The following C8orf34 variants were observed in gnomAD, a reference collection of about 807,000 sequenced individuals.
The protein encoded by C8orf34 is chromosome 8 open reading frame 34, also known as uncharacterized protein C8orf34.
Under a neutral mutation model 68.3 loss-of-function variants are expected in C8orf34, and 65 were observed. The observed-to-expected ratio is 0.95, with a 90% CI of 0.78 to 1.17. The LOEUF is 1.17. Among genes scored for constraint, C8orf34 ranks in the 50% most tolerant of loss-of-function variants. The pLI is 0.00. For missense variants in C8orf34, 664 were observed against 655.4 expected (o/e 1.01, Z -0.14); for synonymous variants, 244 against 241.2 (o/e 1.01, Z -0.11).
chr8:68,489,603 T>C (rs1813224681), intron 5 of C8orf34, among the ~76,000 whole-genome samples: 1 of 152,226 alleles, frequency 6.6e-6, no homozygotes. Context: ...GGATTTTGAC[T>C]GCGACTCATC....
intron 11 of C8orf34, among the ~76,000 whole-genome samples, chr8:68,779,358 G>A (rs534473860): frequency 1.1e-4 from 16 of 152,126 alleles, no homozygotes; most frequent in African/African-American, 1.9e-4. Flanking sequence ...TTGAGAAGCC[G>A]TAAAGAACTA....
chr8:68,355,335 C>T (rs1171972360), intron 1 of C8orf34, among the ~76,000 whole-genome samples: 1 of 152,132 alleles, frequency 6.6e-6, no homozygotes, highest in Non-Finnish European at 1.5e-5. Flanking sequence ...GGGAATGACT[C>T]AGGTTTGGCA....
chr8:68,816,698 C>A (rs1824829516), intron 13 of C8orf34, among the ~76,000 whole-genome samples: 1 of 152,070 alleles, frequency 6.6e-6, no homozygotes, highest in African/African-American at 2.4e-5. Flanking sequence ...AATAATTCTG[C>A]ATTAGGACAT....
intron 12 of C8orf34, among the ~76,000 whole-genome samples, chr8:68,814,789 A>G (rs1824759293): frequency 6.6e-6 from 1 of 152,342 alleles, no homozygotes; most frequent in East Asian, 1.9e-4. Context: ...AACCAAATCA[A>G]TAAGCCATTT....
At chr8:68,352,595 T>C (rs1806557658) in intron 1 of C8orf34, among the ~76,000 whole-genome samples, 3 of 152,236 alleles carry the variant, frequency 2.0e-5, no homozygotes, top group Admixed American at 6.6e-5. Flanking sequence ...TGCACTCCTT[T>C]ACGCACATGA....
intron 13 of C8orf34, among the ~76,000 whole-genome samples, chr8:68,817,732 G>GGGTAA (rs1387521178): frequency 1.6e-4 from 25 of 152,144 alleles, no homozygotes; most frequent in Non-Finnish European, 3.7e-4. Flanking sequence ...AAGAAAAGAG[G>GGGTAA]TTTAAGTGCC....
intron 9 of C8orf34, among the ~76,000 whole-genome samples, chr8:68,711,362 G>C (rs1399928979): frequency 1.3e-5 from 2 of 152,064 alleles, no homozygotes; most frequent in Non-Finnish European, 2.9e-5. Context: ...TGAATATTAA[G>C]CTAATTAAGC....
In C8orf34 at chr8:68,818,260, A is replaced by G; in HGVS notation, c.*14A>G. 3 of 1,612,170 alleles carry G rather than the reference A, an allele frequency of 1.9e-6. No individual in the cohort carries two copies. The highest frequency in any genetic ancestry group is 2.5e-6 in the Non-Finnish European group (3 of 1,178,910). On this transcript the variant is annotated 3_prime_UTR_variant, in exon 14 of 14. Coordinates refer to ENST00000518698, the MANE Select transcript of C8orf34 (RefSeq NM_052958.4). ...GCAGGTTTGTGAAACAGAGAGAAGA[A>G]GTTGCAAGTGGTCCTTAAAGAAATG...
At chr8:68,734,968 C>T (rs948833893) in intron 10 of C8orf34, among the ~76,000 whole-genome samples, 1 of 152,210 alleles carries the variant, frequency 6.6e-6, no homozygotes, top group African/African-American at 2.4e-5. Context: ...GCTATAATCA[C>T]ATGAAATAAT....
intron 7 of C8orf34, among the ~76,000 whole-genome samples, chr8:68,586,794 T>C (rs980524807): frequency 3.9e-5 from 6 of 152,156 alleles, no homozygotes; most frequent in Non-Finnish European, 2.9e-5. Context: ...TTTGTTTTGA[T>C]GAGCAAAGAA....
chr8:68,618,059 C>T (rs1157790976), intron 7 of C8orf34, among the ~76,000 whole-genome samples: 1 of 151,912 alleles, frequency 6.6e-6, no homozygotes, highest in Non-Finnish European at 1.5e-5. Context: ...TTCCTATTTA[C>T]CAATTTAAAA....
chr8:68,525,644 C>CA (rs749364139), intron 6 of C8orf34: 52 of 716,894 alleles, frequency 7.3e-5, no homozygotes, highest in Middle Eastern at 4.1e-4. Flanking sequence ...ATTATGCTGC[C>CA]ATTTTTCTAG....
At chr8:68,413,171 C>T (rs1028118719) in intron 1 of C8orf34, among the ~76,000 whole-genome samples, 9 of 152,168 alleles carry the variant, frequency 5.9e-5, no homozygotes, top group Non-Finnish European at 8.8e-5. Flanking sequence ...AGTTCAATTG[C>T]TCTTGCAGAC....
intron 1 of C8orf34, among the ~76,000 whole-genome samples, chr8:68,396,712 CAAAAAAAAAAAAAAAA>C (rs56946858): frequency 1.1e-4 from 2 of 18,696 alleles, no homozygotes; most frequent in Admixed American, 1.1e-3. Context: ...AGCTGCTTGT[CAAAAAAAAAAAAAAAA>C]AAAAAAAAAA....
intron 1 of C8orf34, among the ~76,000 whole-genome samples, chr8:68,427,443 A>G (rs1356270721): frequency 2.0e-5 from 3 of 152,220 alleles, no homozygotes; most frequent in African/African-American, 7.2e-5. Context: ...AGCAAATATC[A>G]AAAAGATATA....
At chr8:68,487,628 A>G (rs1813134159) in intron 4 of C8orf34, among the ~76,000 whole-genome samples, 1 of 152,214 alleles carries the variant, frequency 6.6e-6, no homozygotes, top group African/African-American at 2.4e-5. Flanking sequence ...CTGCCTTAAT[A>G]TCTAATTATT....
intron 3 of C8orf34, among the ~76,000 whole-genome samples, chr8:68,461,976 A>G (rs1346010578): frequency 6.6e-6 from 1 of 152,248 alleles, no homozygotes; most frequent in Non-Finnish European, 1.5e-5. Context: ...AAATGCTCCA[A>G]TTAAAAGACA....
chr8:68,621,484 T>C (rs895199563), intron 7 of C8orf34, among the ~76,000 whole-genome samples: 6 of 152,234 alleles, frequency 3.9e-5, no homozygotes, highest in African/African-American at 1.4e-4. Flanking sequence ...TAATTTAGAC[T>C]TTTATAAATA....
At chr8:68,550,352 A>G (rs1816024116) in intron 7 of C8orf34, among the ~76,000 whole-genome samples, 2 of 151,898 alleles carry the variant, frequency 1.3e-5, no homozygotes, top group Admixed American at 6.6e-5. Context: ...CTTCATGGGT[A>G]GTTCAAATAC....
Sources: gnomAD v4.1 joint callset for allele counts (sites outside exome capture counted in the v4.1 genomes callset) on GRCh38, gnomAD v4.1.1 for gene constraint, MANE v1.5 for transcripts, NCBI Gene and HGNC (gene_info 2026-07-23, HGNC 2026-07-21) for gene names.